The following UBR4 variants were observed in gnomAD, a reference collection of about 807,000 sequenced individuals.
UBR4 encodes the protein E3 ubiquitin-protein ligase UBR4.
Under a neutral mutation model 575.6 loss-of-function variants are expected in UBR4, and 124 were observed. The observed-to-expected ratio is 0.22, with a 90% CI of 0.19 to 0.25. UBR4 has a LOEUF of 0.25. UBR4 is among the 10% of genes least tolerant of loss of function. The pLI is 1.00. For missense variants in UBR4, 4,818 were observed against 6,478.8 expected (o/e 0.74, Z 8.80); for synonymous variants, 2,455 against 2,473.7 (o/e 0.99, Z 0.22).
intron 58 of UBR4, among the ~76,000 whole-genome samples, chr1:19,140,186 A>G (rs1318997279): frequency 1.3e-5 from 2 of 151,196 alleles, no homozygotes; most frequent in Non-Finnish European, 2.9e-5. Flanking sequence ...AGGTATCTCC[A>G]TTTGGTCCAA....
intron 60 of UBR4, 127 bp from the exon 61 acceptor site, chr1:19,129,201 T>C: frequency 1.4e-6 from 1 of 690,822 alleles, no homozygotes; most frequent in East Asian, 2.8e-5. Context: ...AGGAACAATC[T>C]CCAGCATTAA....
intron 87 of UBR4, among the ~76,000 whole-genome samples, chr1:19,103,721 A>G (rs2078897848): frequency 6.6e-6 from 1 of 152,242 alleles, no homozygotes; most frequent in Non-Finnish European, 1.5e-5. Flanking sequence ...TGAGAGATGG[A>G]GAGATATGGA....
In UBR4 at chr1:19,160,147, A is replaced by G; in HGVS notation, c.5541T>C (p.Thr1847=). Residue 1847 remains threonine (T), a synonymous_variant, in exon 39 of 106, where the codon ACT becomes ACC. Coordinates refer to ENST00000375254, the MANE Select transcript of UBR4 (RefSeq NM_020765.3). ...RAQQALSELH[T]VEKAVEMTDQ... ...CTGTCATCTCCACTGCCTTCTCCACAGTGTGTAGCTCACTGAGGGCTTGCT... is the reference window on the plus strand; with the variant it reads ...CTGTCATCTCCACTGCCTTCTCCACGGTGTGTAGCTCACTGAGGGCTTGCT... 6.2e-7 allele frequency: 1 copy of G among 1,613,792 alleles called. No individual in the cohort carries two copies. Among genetic ancestry groups the G allele is most frequent in the Non-Finnish European group, 8.5e-7 (1 of 1,179,934 alleles).
rs962306244 is a variant in UBR4, at chr1:19,144,172, C to T, written c.8068-81G>A. 5 of 1,277,388 alleles carry T rather than the reference C, an allele frequency of 3.9e-6. No individual in the cohort carries two copies. In the African/African-American group the frequency reaches 4.4e-5, roughly 11 times the overall value. 79.1% of individuals were successfully genotyped at this position (1,277,388 alleles called of 1,614,324 possible). Reference sequence around the variant, plus strand: ...CTATAAAACACTTTCCTTTCTTGGTCACTCACTCACATGCAAGTGGAATAC... The same window carrying T: ...CTATAAAACACTTTCCTTTCTTGGTTACTCACTCACATGCAAGTGGAATAC... On this transcript the variant is annotated intron_variant, in intron 54 of 105. Coordinates refer to ENST00000375254, the MANE Select transcript of UBR4 (RefSeq NM_020765.3).
intron 55 of UBR4, among the ~76,000 whole-genome samples, chr1:19,142,100 T>C (rs142081766): frequency 6.6e-6 from 1 of 152,356 alleles, no homozygotes; most frequent in African/African-American, 2.4e-5. Flanking sequence ...AAACTCACGC[T>C]AACTCTCAGG....
intron 41 of UBR4, 92 bp downstream of exon 41, chr1:19,156,674 CA>C: frequency 6.7e-7 from 1 of 1,501,422 alleles, no homozygotes; most frequent in Middle Eastern, 2.2e-4. Flanking sequence ...TTAATCTCCA[CA>C]ACGAATAAGA....
chr1:19,177,991 T>C (rs1195598894), intron 18 of UBR4, among the ~76,000 whole-genome samples: 1 of 152,094 alleles, frequency 6.6e-6, no homozygotes, highest in African/African-American at 2.4e-5. Context: ...GAGGGGAGGA[T>C]TGCTTGAGGC....
rs1415127241 is a variant in UBR4, at chr1:19,177,662, C to T, written c.2436G>A (p.Gln812=). Residue 812 remains glutamine, a synonymous_variant, in exon 19 of 106, where the codon CAG becomes CAA. Coordinates refer to ENST00000375254, the MANE Select transcript of UBR4 (RefSeq NM_020765.3). ...ETEDLNVEHL[Q]MLLLIFHNFT... Reference sequence around the variant, plus strand: ...AATTGTGGAAAATGAGGAGGAGCATCTGCAGGTGTTCTACATTCAGATCCT... The same window carrying T: ...AATTGTGGAAAATGAGGAGGAGCATTTGCAGGTGTTCTACATTCAGATCCT... 1 of 1,613,994 alleles carries T rather than the reference C, an allele frequency of 6.2e-7. No individual in the cohort carries two copies. The highest frequency in any genetic ancestry group is 1.3e-5 in the African/African-American group (1 of 74,888).
At chr1:19,103,558 T>C (rs1041320685) in intron 87 of UBR4, among the ~76,000 whole-genome samples, 2 of 152,100 alleles carry the variant, frequency 1.3e-5, no homozygotes, top group Non-Finnish European at 2.9e-5. Context: ...AGAGTGAAAC[T>C]TGGTCTCAAA....
At chr1:19,095,980 G>T in intron 92 of UBR4, 1 of 256,752 alleles carries the variant, frequency 3.9e-6, no homozygotes, top group East Asian at 9.8e-5. Context: ...TAATAGTAAA[G>T]AAAATGATCC....
intron 64 of UBR4, among the ~76,000 whole-genome samples, chr1:19,126,025 TAAG>T (rs1280914697): frequency 1.3e-5 from 2 of 152,082 alleles, no homozygotes; most frequent in African/African-American, 4.8e-5. Flanking sequence ...GACTGGTAAG[TAAG>T]AACACAAGAT....
rs2150932676 is a variant in UBR4 at position 19,172,879 on chromosome 1, T to C, written c.3506A>G (p.Tyr1169Cys). The part of the protein sequence containing the change: ...LPATLQLIDT[Y>C]ASFTRAYLLQ... The stretch of plus-strand genomic sequence containing the variant: ...TTCGCCACACCTGGTGAACGATGCA[T>C]AGGTGTCAATGAGTTGCAGCGTGGC... Residue 1169 changes from tyrosine to cysteine, a missense_variant, in exon 25 of 106, where the codon TAT (tyrosine) becomes TGT (cysteine). Tyr to Cys is a radical substitution (Grantham distance 194, BLOSUM62 -2). Coordinates refer to ENST00000375254, the MANE Select transcript of UBR4 (RefSeq NM_020765.3). 3 of 1,614,160 alleles carry C rather than the reference T, an allele frequency of 1.9e-6. No homozygotes were observed. Among genetic ancestry groups the C allele is most frequent in the Non-Finnish European group, 2.5e-6 (3 of 1,180,008 alleles).
At chr1:19,192,423 T>C (rs2092155965) in intron 10 of UBR4, 45 bp from the exon 11 acceptor site, 2 of 1,613,972 alleles carry the variant, frequency 1.2e-6, no homozygotes, top group African/African-American at 1.3e-5. Flanking sequence ...ATAGAGATAT[T>C]TACATCTCAG....
intron 8 of UBR4, among the ~76,000 whole-genome samples, chr1:19,196,853 T>C (rs562289499): frequency 2.6e-5 from 4 of 152,354 alleles, no homozygotes; most frequent in Non-Finnish European, 5.9e-5. Flanking sequence ...GTAGTTCATC[T>C]CAATATCTCA....
chr1:19,117,103 A>G lies in UBR4; in HGVS notation c.10823+118T>C. 9.1e-7 allele frequency: 1 copy of G among 1,100,446 alleles called. No individual in the cohort carries two copies. Among genetic ancestry groups the G allele is most frequent in the South Asian group, 1.5e-5 (1 of 67,070 alleles). 68.2% of individuals were successfully genotyped at this position (1,100,446 alleles called of 1,614,324 possible). A position where few individuals can be genotyped will look rare whatever the true frequency, so the allele number is the denominator to read the frequency against. ...CCTTTGGTCATGAATGGAGGGGCCA[A>G]GAGGATGTATTAGGCCTCTAGGGAT... On this transcript the variant is annotated intron_variant, in intron 73 of 105. Coordinates refer to ENST00000375254, the MANE Select transcript of UBR4 (RefSeq NM_020765.3). The surrounding 1 kb of genome is among the most constrained non-coding windows in gnomAD (Gnocchi z 4.0).
rs200513323 is a variant in UBR4 at position 19,177,717 on chromosome 1, G to A, written c.2381C>T (p.Ala794Val). 1.7e-5 allele frequency: 27 copies of A among 1,613,766 alleles called. No homozygotes were observed. The East Asian group carries it at 5.8e-4, about 35-fold the overall frequency. ...DRFLSTMKQN[A>V]LQGVVPSETE... ...CTCACTGGGCACCACACCTTGCAGG[G>A]CATTCTGCTTCATTGTAGACAAAAA... Residue 794 changes from alanine to valine, a missense_variant, in exon 19 of 106, where the codon GCC (alanine) becomes GTC (valine). Ala to Val is a moderately conservative substitution (Grantham distance 64). Around this residue, in one of 29 missense-constraint regions of UBR4, gnomAD observed 1,172 missense variants for 1,259.7 expected, o/e 0.93. Coordinates refer to ENST00000375254, the MANE Select transcript of UBR4 (RefSeq NM_020765.3).
rs914118516 is a variant in UBR4 at position 19,089,939 on chromosome 1, T to C, written c.14212-962A>G. The stretch of plus-strand genomic sequence containing the variant: ...CAAACTCAACATTCTGGCTGTTTAC[T>C]GTGTGTGCATGCTTGCACATGTGTG... On this transcript the variant is annotated intron_variant, in intron 97 of 105. Coordinates refer to ENST00000375254, the MANE Select transcript of UBR4 (RefSeq NM_020765.3). The surrounding 1 kb of genome is among the most constrained non-coding windows in gnomAD (Gnocchi z 4.3). Among the ~76,000 whole-genome samples the C allele has an allele frequency of 1.3e-5, 2 of 152,270 alleles. No individual in the cohort carries two copies. The highest frequency in any genetic ancestry group is 4.8e-5 in the African/African-American group (2 of 41,470).
At chr1:19,123,206 C>T in intron 65 of UBR4, 146 bp from the exon 66 acceptor site, 3 of 842,658 alleles carry the variant, frequency 3.6e-6, no homozygotes, top group Non-Finnish European at 5.5e-6. Flanking sequence ...AATCCCAGCA[C>T]TTTGGAATGC....
At chr1:19,094,776 A>C in intron 94 of UBR4, 130 bp downstream of exon 94, 1 of 1,292,254 alleles carries the variant, frequency 7.7e-7, no homozygotes, top group South Asian at 1.4e-5. Flanking sequence ...GTTGAGTCCT[A>C]ACATTCCAAT....
Sources: allele counts gnomAD v4.1 joint callset (sites outside exome capture counted in the v4.1 genomes callset), GRCh38; gene constraint gnomAD v4.1.1; regional missense constraint gnomAD v4.1.1; non-coding constraint Gnocchi (gnomAD v3.1); transcripts MANE v1.5; gene names NCBI Gene and HGNC (gene_info 2026-07-23, HGNC 2026-07-21).